The following SLC9A9 variants were observed in gnomAD, a reference collection of about 807,000 sequenced individuals.
SLC9A9 encodes the protein solute carrier family 9 member A9, also known as sodium/hydrogen exchanger 9.
Under a neutral mutation model 77.8 loss-of-function variants are expected in SLC9A9, and 62 were observed. That is an observed-to-expected ratio of 0.80 (90% CI 0.65 to 0.98). SLC9A9 has a LOEUF of 0.98. Ranked by LOEUF, SLC9A9 falls within the 50% of genes least tolerant of loss-of-function variation. The probability of loss-of-function intolerance (pLI) is 0.00; values close to 1 mark genes in which losing one functional copy is unlikely to be tolerated. For synonymous variants in SLC9A9, 320 were observed against 283.5 expected, an observed-to-expected ratio of 1.13 and a Z score of -1.29; for missense variants, 775 against 774.9, an observed-to-expected ratio of 1.00 and a Z score of 0.00.
chr3:143,726,210 A>T (rs1934647787), intron 4 of SLC9A9, among the ~76,000 whole-genome samples: 1 of 69,030 alleles, frequency 1.4e-5, no homozygotes, highest in Non-Finnish European at 3.2e-5. Flanking sequence ...CATCCTGCAC[A>T]TGCACCCCTG....
chr3:143,683,654 T>A (rs62267161), intron 5 of SLC9A9, among the ~76,000 whole-genome samples: 61,419 of 151,978 alleles, frequency 0.4, 12,903 homozygotes, highest in South Asian at 0.61. Flanking sequence ...GTCCTTCATC[T>A]TAGAGATGGG....
At chr3:143,425,566 GTACT>G (rs1472036844) in intron 12 of SLC9A9, among the ~76,000 whole-genome samples, 1 of 152,032 alleles carries the variant, frequency 6.6e-6, no homozygotes, top group Non-Finnish European at 1.5e-5. Flanking sequence ...TGCTCCTTGG[GTACT>G]TAATGTCAAA....
At chr3:143,815,897 C>T (rs1412209795) in intron 2 of SLC9A9, among the ~76,000 whole-genome samples, 1 of 152,002 alleles carries the variant, frequency 6.6e-6, no homozygotes, top group Non-Finnish European at 1.5e-5. Context: ...ACAAAAACAA[C>T]AAAACAAAAA....
chr3:143,503,690 A>G, intron 9 of SLC9A9: 1 of 396,030 alleles, frequency 2.5e-6, no homozygotes, highest in Non-Finnish European at 4.9e-6. Flanking sequence ...CCATCACACC[A>G]TGGTCTCCCG....
At chr3:143,288,327 T>C (rs1212085446) in intron 14 of SLC9A9, among the ~76,000 whole-genome samples, 3 of 152,122 alleles carry the variant, frequency 2.0e-5, no homozygotes, top group Non-Finnish European at 4.4e-5. Context: ...CATAGGTTTC[T>C]TGGGACTGCT....
At chr3:143,705,170 T>C (rs1023724760) in intron 4 of SLC9A9, among the ~76,000 whole-genome samples, 5 of 152,028 alleles carry the variant, frequency 3.3e-5, no homozygotes, top group Admixed American at 6.6e-5. Context: ...GAAGTTATTA[T>C]GTTAAGTGAA....
At chr3:143,818,397 C>T (rs774142429) in intron 2 of SLC9A9, among the ~76,000 whole-genome samples, 2 of 152,142 alleles carry the variant, frequency 1.3e-5, no homozygotes, top group Non-Finnish European at 2.9e-5. Flanking sequence ...GCCTCCACCT[C>T]CCGGCATCAA....
chr3:143,826,542 C>G (rs2009305253), intron 2 of SLC9A9, among the ~76,000 whole-genome samples: 1 of 152,140 alleles, frequency 6.6e-6, no homozygotes, highest in South Asian at 2.1e-4. Context: ...ACAGCAGGCA[C>G]ACTATCCTTT....
intron 12 of SLC9A9, among the ~76,000 whole-genome samples, chr3:143,421,213 A>T (rs936229256): frequency 6.6e-6 from 1 of 152,228 alleles, no homozygotes; most frequent in African/African-American, 2.4e-5. Context: ...TACAGATTCA[A>T]TGCTATTCCT....
At chr3:143,338,268 T>C (rs2031986298) in intron 14 of SLC9A9, among the ~76,000 whole-genome samples, 1 of 152,172 alleles carries the variant, frequency 6.6e-6, no homozygotes. Flanking sequence ...AAAAATAAAC[T>C]GTGTTTTCTG....
chr3:143,403,100 A>C (rs1252689815), intron 12 of SLC9A9, among the ~76,000 whole-genome samples: 1 of 152,144 alleles, frequency 6.6e-6, no homozygotes, highest in Non-Finnish European at 1.5e-5. Flanking sequence ...TTACATCTAT[A>C]TATGTTATAA....
intron 4 of SLC9A9, among the ~76,000 whole-genome samples, chr3:143,737,160 G>T (rs977419022): frequency 3.3e-5 from 5 of 152,136 alleles, no homozygotes; most frequent in Admixed American, 3.3e-4. Context: ...ATGCTTTCTA[G>T]ATCTCTTTCG....
chr3:143,449,856 T>C (rs2034956290), intron 12 of SLC9A9, among the ~76,000 whole-genome samples: 1 of 25,034 alleles, frequency 4.0e-5, no homozygotes, highest in South Asian at 1.6e-3. Context: ...TATATATAAT[T>C]ATATATATAA....
intron 4 of SLC9A9, among the ~76,000 whole-genome samples, chr3:143,767,623 T>C (rs1176510035): frequency 6.6e-6 from 1 of 152,164 alleles, no homozygotes; most frequent in African/African-American, 2.4e-5. Context: ...GAACTTTAAG[T>C]ACAGTCTTGT....
chr3:143,802,576 C>T (rs531397228), intron 2 of SLC9A9, among the ~76,000 whole-genome samples: 2 of 152,318 alleles, frequency 1.3e-5, no homozygotes, highest in South Asian at 4.1e-4. Flanking sequence ...TCCCTTCTGT[C>T]AGACATAACT....
chr3:143,591,773 G>A (rs1447674925), intron 6 of SLC9A9, among the ~76,000 whole-genome samples: 1 of 152,210 alleles, frequency 6.6e-6, no homozygotes, highest in Non-Finnish European at 1.5e-5. Context: ...CCTGCATGCT[G>A]GAGCAGCCTT....
chr3:143,464,108 A>G (rs1177892529), intron 12 of SLC9A9, among the ~76,000 whole-genome samples: 1 of 152,216 alleles, frequency 6.6e-6, no homozygotes, highest in Non-Finnish European at 1.5e-5. Flanking sequence ...ATCACATTCC[A>G]ATTGAGGGTG....
chr3:143,846,390 T>C (rs566783045), intron 1 of SLC9A9, among the ~76,000 whole-genome samples: 115 of 152,338 alleles, frequency 7.5e-4, no homozygotes, highest in Non-Finnish European at 1.2e-3. Context: ...TGCAGATTAC[T>C]TATTAGTCAA....
intron 11 of SLC9A9, among the ~76,000 whole-genome samples, chr3:143,491,839 A>T: frequency 6.6e-6 from 1 of 152,314 alleles, no homozygotes; most frequent in East Asian, 1.9e-4. Context: ...TGATGTTTTG[A>T]TGGGAAAGAA....
Sources: gnomAD v4.1 joint callset for allele counts (sites outside exome capture counted in the v4.1 genomes callset) on GRCh38, gnomAD v4.1.1 for gene constraint, MANE v1.5 for transcripts, NCBI Gene and HGNC (gene_info 2026-07-23, HGNC 2026-07-21) for gene names.